ALK: variants seen among roughly 807,000 people sequenced by gnomAD.
ALK encodes ALK tyrosine kinase receptor.
In ALK, 74 loss-of-function variants were observed where a neutral mutation model predicts 163.1. The ratio of observed to expected loss-of-function variants is 0.45; its 90% CI spans 0.38 to 0.55. ALK has a LOEUF of 0.55. ALK is among the 20% of genes least tolerant of loss of function. The probability of loss-of-function intolerance (pLI) is 0.00; values close to 1 mark genes in which losing one functional copy is unlikely to be tolerated. For synonymous variants in ALK, 960 were observed against 843.2 expected (o/e 1.14, Z -2.40); for missense variants, 2,063 against 2,105.3 (o/e 0.98, Z 0.39).
intron 25 of ALK, chr2:29,208,047 T>C (rs1482171251): frequency 2.2e-6 from 1 of 453,424 alleles, no homozygotes; most frequent in Admixed American, 2.4e-5. Context: ...TCAGGTACTC[T>C]GCCATGTGCT....
chr2:29,239,288 G>C (rs1664459885), intron 13 of ALK, among the ~76,000 whole-genome samples: 1 of 152,140 alleles, frequency 6.6e-6, no homozygotes, highest in Non-Finnish European at 1.5e-5. Flanking sequence ...ATATCTCTCT[G>C]CCAAGGATGT....
intron 1 of ALK, among the ~76,000 whole-genome samples, chr2:29,750,702 AGGC>A (rs1168039217): frequency 2.2e-5 from 3 of 136,554 alleles, no homozygotes; most frequent in East Asian, 4.7e-4. Flanking sequence ...GAAGGAAGGC[AGGC>A]AGGCAGGAAG....
At chr2:29,567,045 A>G (rs1348532600) in intron 3 of ALK, among the ~76,000 whole-genome samples, 1 of 152,200 alleles carries the variant, frequency 6.6e-6, no homozygotes, top group Non-Finnish European at 1.5e-5. Context: ...TAGTTTTGTC[A>G]ACTTAAATTA....
intron 3 of ALK, among the ~76,000 whole-genome samples, chr2:29,646,891 A>G (rs756636332): frequency 1.3e-5 from 2 of 151,984 alleles, no homozygotes; most frequent in Admixed American, 1.3e-4. Context: ...TATTTTTCCT[A>G]TTTCTTCCTA....
chr2:29,750,977 G>A (rs1680349548), intron 1 of ALK, among the ~76,000 whole-genome samples: 1 of 152,186 alleles, frequency 6.6e-6, no homozygotes, highest in Non-Finnish European at 1.5e-5. Context: ...GGCTGAGGCA[G>A]GAGAATCGCT....
At position 29,828,730 on chromosome 2, in the gene ALK, G is replaced by C. The variant is rs527798171; in HGVS notation, c.667+91263C>G. On this transcript the variant is annotated intron_variant, in intron 1 of 28. Coordinates refer to ENST00000389048, the MANE Select transcript of ALK (RefSeq NM_004304.5). ...ACACTGTTGGTGGGACTGTAAACTA[G>C]TTCAACCATTGTGGAAGACAGTGTG... is the stretch of plus-strand genomic sequence containing the variant. Among the ~76,000 whole-genome samples, 277 of 152,102 alleles carry C rather than the reference G, an allele frequency of 1.8e-3. 4 individuals are homozygous for C. Among genetic ancestry groups the C allele is most frequent in the African/African-American group, 6.4e-3 (268 of 41,552 alleles).
chr2:29,207,094 TTAGAGTA>T (rs1438021927), intron 26 of ALK, 70 bp downstream of exon 26: 3 of 1,142,360 alleles, frequency 2.6e-6, no homozygotes, highest in Non-Finnish European at 4.0e-6. Context: ...GGCTCCCGGC[TTAGAGTA>T]TAGAGTCCTT....
intron 5 of ALK, among the ~76,000 whole-genome samples, chr2:29,346,696 C>A (rs13000043): frequency 6.6e-6 from 1 of 152,106 alleles, no homozygotes; most frequent in Non-Finnish European, 1.5e-5. Flanking sequence ...ATTGTGATCC[C>A]GGCATGACAC....
chr2:29,308,079 A>AT (rs57196625), intron 8 of ALK, among the ~76,000 whole-genome samples: 2,661 of 146,740 alleles, frequency 0.018, 80 homozygotes, highest in African/African-American at 0.06. Context: ...TTCTTTTCCA[A>AT]TTTTTTTTTT....
At chr2:29,300,777 G>A (rs1229607544) in intron 8 of ALK, among the ~76,000 whole-genome samples, 1 of 152,126 alleles carries the variant, frequency 6.6e-6, no homozygotes, top group African/African-American at 2.4e-5. Flanking sequence ...TCCTTTCTGT[G>A]TCTATGCTTA....
At position 29,193,673 on chromosome 2, in the gene ALK, C is replaced by T. The variant is rs2148138394; in HGVS notation, c.4414G>A (p.Glu1472Lys). The part of the protein sequence containing the change: ...SVRVPRGPAV[E>K]GGHVNMAFSQ... Reference sequence around the variant, plus strand: ...AATGCCATATTCACGTGTCCCCCTTCCACGGCCGGCCCTCTAGGGACTCGA... The same window carrying T: ...AATGCCATATTCACGTGTCCCCCTTTCACGGCCGGCCCTCTAGGGACTCGA... Residue 1472 changes from glutamate (E) to lysine (K), a missense_variant, in exon 29 of 29, where the codon GAA becomes AAA. Physicochemically the swap from Glu to Lys is moderately conservative, Grantham distance 56. Transcript: ENST00000389048. 6.2e-7 allele frequency: 1 copy of T among 1,614,062 alleles called. No homozygotes were observed. The highest frequency in any genetic ancestry group is 8.5e-7 in the Non-Finnish European group (1 of 1,179,892).
intron 3 of ALK, among the ~76,000 whole-genome samples, chr2:29,616,065 T>A (rs1025892970): frequency 4.6e-5 from 7 of 152,234 alleles, no homozygotes; most frequent in Non-Finnish European, 7.3e-5. Context: ...ACCCAGACCC[T>A]GCTCTGGTGA....
chr2:29,409,662 G>A (rs956788453), intron 4 of ALK, among the ~76,000 whole-genome samples: 5 of 152,248 alleles, frequency 3.3e-5, no homozygotes, highest in Middle Eastern at 3.4e-3. Flanking sequence ...AGTGGCTCCC[G>A]TCAAGCCTCA....
At chr2:29,675,426 T>A (rs1677843104) in intron 3 of ALK, among the ~76,000 whole-genome samples, 2 of 151,984 alleles carry the variant, frequency 1.3e-5, no homozygotes. Context: ...AACTGTGAGA[T>A]CCTGAGAGTT....
chr2:29,439,668 G>T (rs4306677), intron 4 of ALK, among the ~76,000 whole-genome samples: 125,888 of 150,296 alleles, frequency 0.84, 53,188 homozygotes, highest in Non-Finnish European at 0.9. Flanking sequence ...TGATCCAACG[G>T]GACTGGTGTT....
chr2:29,644,565 AG>A lies in ALK; in HGVS notation c.952+50284del, dbSNP rs1321143798. Among the ~76,000 whole-genome samples, 8 of 72,242 alleles carry A rather than the reference AG, an allele frequency of 1.1e-4. No individual in the cohort carries two copies. In the East Asian group the frequency reaches 2.1e-3, roughly 19 times the overall value. 47.4% of individuals were successfully genotyped at this position (72,242 alleles called of 152,430 possible). A position where few individuals can be genotyped will look rare whatever the true frequency, so the allele number is the denominator to read the frequency against. ...AAAGCCTATATATCTTTTCAAATTA[AG>A]GTTTTTTTTTCCCCCCACTCTCCAG... On this transcript the variant is annotated intron_variant, in intron 3 of 28. Coordinates refer to ENST00000389048, the MANE Select transcript of ALK (RefSeq NM_004304.5).
Position 29,619,715 on chromosome 2 carries a change from G to A in ALK, c.952+75135C>T, listed in dbSNP as rs1238205499. Among the ~76,000 whole-genome samples the A allele has an allele frequency of 2.6e-5, 4 of 152,190 alleles. No homozygotes were observed. In the East Asian group the frequency reaches 7.7e-4, roughly 29 times the overall value. On this transcript the variant is annotated intron_variant, in intron 3 of 28. Transcript: ENST00000389048. ...GTGTATCCAATGCCTCCTTGACAAAGAGACCCTCAGAAGCTATCTCCACCC... is the reference window on the plus strand; with the variant it reads ...GTGTATCCAATGCCTCCTTGACAAAAAGACCCTCAGAAGCTATCTCCACCC...
chr2:29,920,428 A>G lies in ALK; in HGVS notation c.232T>C (p.Ser78Pro). ...TCGGGCCTGCCAGCCTTCAGCTCCG[A>G]GGAGGATGGTGGCAGCAGTAGGTCC... ...ARDLLLPPSS[S>P]ELKAGRPEAR... is the part of the protein sequence containing the mutation. The change falls in exon 1 of 29, where the codon TCG becomes CCG. Residue 78 changes from serine to proline, a missense_variant. By Grantham distance (74) the Ser-to-Pro change is moderately conservative (BLOSUM62 -1). This residue lies in a region of ALK where 987 missense variants were observed against 939.5 expected (regional missense o/e 1.05). Transcript: ENST00000389048. 1 of 1,604,306 alleles carries G rather than the reference A, an allele frequency of 6.2e-7. No homozygotes were observed. Among genetic ancestry groups the G allele is most frequent in the Non-Finnish European group, 8.5e-7 (1 of 1,175,908 alleles).
intron 1 of ALK, among the ~76,000 whole-genome samples, chr2:29,743,991 A>C (rs1385966833): frequency 2.6e-5 from 4 of 151,924 alleles, no homozygotes; most frequent in Non-Finnish European, 5.9e-5. Flanking sequence ...TTTAATTGAA[A>C]AGTTGCAAAG....
Sources: gnomAD v4.1 joint callset for allele counts (sites outside exome capture counted in the v4.1 genomes callset) on GRCh38, gnomAD v4.1.1 for gene constraint, gnomAD v4.1.1 regional missense constraint, MANE v1.5 for transcripts, NCBI Gene and HGNC (gene_info 2026-07-23, HGNC 2026-07-21) for gene names.